Variants in REC114 observed in about 807,000 individuals in gnomAD.
REC114 encodes REC114 meiotic recombination protein, also known as meiotic recombination protein REC114.
In REC114, 27 loss-of-function variants were observed where a neutral mutation model predicts 31.3. The observed-to-expected ratio is 0.86, with a 90% CI of 0.64 to 1.19. REC114 has a LOEUF of 1.19. Among genes scored for constraint, REC114 ranks in the 50% most tolerant of loss-of-function variants. REC114 has a pLI of 0.00. For missense variants in REC114, 344 were observed against 326.9 expected (o/e 1.05, Z -0.40); for synonymous variants, 134 against 127.7 (o/e 1.05, Z -0.33).
chr15:73,453,313 G>A (rs1040428624), intron 1 of REC114, among the ~76,000 whole-genome samples: 1 of 151,960 alleles, frequency 6.6e-6, no homozygotes, highest in Non-Finnish European at 1.5e-5. Context: ...TCAAAAAGTG[G>A]GCGAAGGATA....
At chr15:73,476,651 G>A (rs911067357) in intron 2 of REC114, among the ~76,000 whole-genome samples, 1 of 152,130 alleles carries the variant, frequency 6.6e-6, no homozygotes, top group Non-Finnish European at 1.5e-5. Context: ...AGTCTTTTCA[G>A]TTGGGCTTCT....
At chr15:73,488,993 A>T (rs1227318554) in intron 2 of REC114, among the ~76,000 whole-genome samples, 1 of 152,196 alleles carries the variant, frequency 6.6e-6, no homozygotes, top group East Asian at 1.9e-4. Context: ...TGGGTAATTT[A>T]TAAACAATAG....
Position 73,551,021 on chromosome 15 carries a change from GC to G in REC114, c.418del (p.Leu140TrpfsTer5). 6.2e-7 allele frequency: 1 copy of G among 1,613,890 alleles called. No individual in the cohort carries two copies. Among genetic ancestry groups the G allele is most frequent in the South Asian group, 1.1e-5 (1 of 91,078 alleles). The stretch of plus-strand genomic sequence containing the variant: ...AACACTGCTGCAGTTGTGTTCAGAA[GC>G]TGGCACAATACATAACCGTGCAGGT... The part of the protein sequence containing the change: ...LEHCCSCVQK[L>X]AQYITVQVPD... On this transcript the variant is annotated frameshift_variant, in exon 4 of 6. Coordinates refer to ENST00000331090, the MANE Select transcript of REC114 (RefSeq NM_001042367.2). LOFTEE classifies it high-confidence loss of function.
chr15:73,486,648 G>A (rs1893374424), intron 2 of REC114, among the ~76,000 whole-genome samples: 1 of 152,220 alleles, frequency 6.6e-6, no homozygotes, highest in Non-Finnish European at 1.5e-5. Flanking sequence ...CAGGATTCGT[G>A]TCTGAGGTAT....
intron 2 of REC114, among the ~76,000 whole-genome samples, chr15:73,508,344 A>C (rs1371389795): frequency 6.6e-6 from 1 of 152,018 alleles, no homozygotes; most frequent in Non-Finnish European, 1.5e-5. Flanking sequence ...TGCTGGTGAC[A>C]TAGCACACTG....
intron 5 of REC114, among the ~76,000 whole-genome samples, chr15:73,556,717 A>G (rs1414177976): frequency 6.6e-6 from 1 of 152,200 alleles, no homozygotes. Context: ...GGAGGACTCC[A>G]TTGTAATTAT....
chr15:73,540,347 G>T, intron 2 of REC114, 138 bp from the exon 3 acceptor site: 1 of 726,560 alleles, frequency 1.4e-6, no homozygotes, highest in African/African-American at 1.7e-5. Context: ...CTTGGCAACT[G>T]GTTTTATTGA....
At chr15:73,473,260 A>G (rs1001343609) in intron 1 of REC114, among the ~76,000 whole-genome samples, 2 of 152,048 alleles carry the variant, frequency 1.3e-5, no homozygotes, top group African/African-American at 2.4e-5. Flanking sequence ...ATGGTGGCGC[A>G]TGCCTGTAAT....
At chr15:73,524,599 A>C (rs80271178) in intron 2 of REC114, among the ~76,000 whole-genome samples, 18,015 of 151,838 alleles carry the variant, frequency 0.12, 1,464 homozygotes, top group African/African-American at 0.23. Flanking sequence ...GTTTCTTTTT[A>C]TTTTTCTTTT....
intron 1 of REC114, among the ~76,000 whole-genome samples, chr15:73,448,210 TC>T (rs917821381): frequency 1.3e-5 from 2 of 151,738 alleles, no homozygotes; most frequent in Non-Finnish European, 2.9e-5. Context: ...GCTCAGCGGG[TC>T]CCACCCCAAC....
chr15:73,556,442 C>G (rs1894469591), intron 5 of REC114, 51 bp downstream of exon 5: 2 of 1,463,820 alleles, frequency 1.4e-6, no homozygotes, highest in Non-Finnish European at 1.9e-6. Flanking sequence ...GCAGTGACCC[C>G]TAAGAATTTG....
At chr15:73,483,478 G>A (rs1228636175) in intron 2 of REC114, 1 of 152,912 alleles carries the variant, frequency 6.5e-6, no homozygotes, top group East Asian at 1.9e-4. Context: ...TTTTCCTCTG[G>A]ACAGTGCCCA....
chr15:73,445,664 G>T (rs1446474073), intron 1 of REC114, among the ~76,000 whole-genome samples: 1 of 152,114 alleles, frequency 6.6e-6, no homozygotes, highest in Non-Finnish European at 1.5e-5. Context: ...CAATATTGTT[G>T]TGTCTCAGAA....
chr15:73,483,709 C>G (rs1407340655), intron 2 of REC114: 1 of 152,338 alleles, frequency 6.6e-6, no homozygotes, highest in Non-Finnish European at 1.5e-5. Context: ...TTGCCCTTCT[C>G]AATTCCAGGG....
At chr15:73,498,373 G>A (rs1893557185) in intron 2 of REC114, among the ~76,000 whole-genome samples, 1 of 152,162 alleles carries the variant, frequency 6.6e-6, no homozygotes, top group Admixed American at 6.6e-5. Flanking sequence ...GGGTGTGTGT[G>A]TGTGTGTTTC....
chr15:73,521,152 C>T (rs769449922), intron 2 of REC114, among the ~76,000 whole-genome samples: 32 of 152,218 alleles, frequency 2.1e-4, no homozygotes, highest in Non-Finnish European at 4.3e-4. Context: ...ACTTAAGAAA[C>T]GGACAAATCC....
intron 2 of REC114, 30 bp downstream of exon 2, chr15:73,473,951 G>A (rs547407073): frequency 4.8e-5 from 64 of 1,333,416 alleles, no homozygotes; most frequent in South Asian, 4.2e-4. Context: ...GTTTAATATG[G>A]AAATACATCT....
chr15:73,536,503 A>T (rs1364208289), intron 2 of REC114, among the ~76,000 whole-genome samples: 3 of 152,228 alleles, frequency 2.0e-5, no homozygotes, highest in Non-Finnish European at 4.4e-5. Flanking sequence ...TAAGCACAGC[A>T]TGCTATGAGA....
chr15:73,554,269 A>C (rs1894431725), intron 4 of REC114, among the ~76,000 whole-genome samples: 1 of 152,234 alleles, frequency 6.6e-6, no homozygotes, highest in South Asian at 2.1e-4. Flanking sequence ...CCTAATGGCA[A>C]AACATAAGGT....
Sources: gnomAD v4.1 joint callset for allele counts (sites outside exome capture counted in the v4.1 genomes callset) on GRCh38, gnomAD v4.1.1 for gene constraint, MANE v1.5 for transcripts, NCBI Gene and HGNC (gene_info 2026-07-23, HGNC 2026-07-21) for gene names.